The following GALNT14 variants were observed in gnomAD, a reference collection of about 807,000 sequenced individuals.
GALNT14 encodes the protein UDP-GalNAc:polypeptide N-acetylgalactosaminyltransferase 14.
GALNT14 carries 60 observed loss-of-function variants against 77.5 expected under a neutral mutation model. That is an observed-to-expected ratio of 0.77 (90% CI 0.63 to 0.96). The LOEUF (loss-of-function observed/expected upper bound fraction) is 0.96, where lower values mean the gene tolerates loss of function less well. Ranked by LOEUF, GALNT14 falls within the 40% of genes least tolerant of loss-of-function variation. The probability of loss-of-function intolerance (pLI) is 0.00; values close to 1 mark genes in which losing one functional copy is unlikely to be tolerated. For synonymous variants in GALNT14, 280 were observed against 281.7 expected (o/e 0.99, Z 0.06); for missense variants, 710 against 731.0 (o/e 0.97, Z 0.33).
At chr2:31,038,563 G>T (rs1382927617) in intron 1 of GALNT14, among the ~76,000 whole-genome samples, 1 of 151,998 alleles carries the variant, frequency 6.6e-6, no homozygotes, top group African/African-American at 2.4e-5. Flanking sequence ...GTTGGCCGGG[G>T]GAGGGGGAGG....
Position 31,130,267 on chromosome 2 carries a change from T to A in GALNT14, c.129+7691A>T, listed in dbSNP as rs1440573088. 5.3e-5 allele frequency among the ~76,000 whole-genome samples: 8 copies of A among 152,094 alleles called. No homozygotes were observed. In the East Asian group the frequency reaches 1.5e-3, roughly 29 times the overall value. On this transcript the variant is annotated intron_variant, in intron 1 of 14. Coordinates refer to ENST00000349752, the MANE Select transcript of GALNT14 (RefSeq NM_024572.4). Reference sequence around the variant, plus strand: ...GCTCCTGCTGATAGAAAGGCCAGAGTGGCAACCTCCTTCCTTCAGGAAAGA... The same window carrying A: ...GCTCCTGCTGATAGAAAGGCCAGAGAGGCAACCTCCTTCCTTCAGGAAAGA...
intron 1 of GALNT14, among the ~76,000 whole-genome samples, chr2:31,016,241 TTC>T (rs1465895381): frequency 6.6e-6 from 1 of 152,184 alleles, no homozygotes; most frequent in Admixed American, 6.5e-5. Flanking sequence ...ATGTGGTTTT[TTC>T]TCTGTGTGTA....
chr2:31,026,719 A>G (rs774509936), intron 1 of GALNT14, among the ~76,000 whole-genome samples: 2 of 152,212 alleles, frequency 1.3e-5, no homozygotes, highest in Non-Finnish European at 2.9e-5. Context: ...TAGTTTCCCC[A>G]CTGACCTGGG....
intron 2 of GALNT14, among the ~76,000 whole-genome samples, chr2:30,989,711 ATATT>A (rs1208333181): frequency 8.2e-6 from 1 of 122,564 alleles, no homozygotes; most frequent in East Asian, 2.4e-4. Context: ...ATAAATATAT[ATATT>A]AGTATATATA....
intron 1 of GALNT14, among the ~76,000 whole-genome samples, chr2:31,098,094 A>G (rs1272223211): frequency 6.6e-6 from 1 of 152,178 alleles, no homozygotes; most frequent in Non-Finnish European, 1.5e-5. Context: ...TCTCTATTAA[A>G]AAGCTGCAAA....
At chr2:31,052,500 C>T (rs1673940329) in intron 1 of GALNT14, among the ~76,000 whole-genome samples, 1 of 152,212 alleles carries the variant, frequency 6.6e-6, no homozygotes, top group African/African-American at 2.4e-5. Context: ...GCCTGCTCCC[C>T]ACGGAAGCCT....
At chr2:31,078,710 G>C (rs1387612534) in intron 1 of GALNT14, among the ~76,000 whole-genome samples, 8 of 152,160 alleles carry the variant, frequency 5.3e-5, no homozygotes, top group Non-Finnish European at 1.2e-4. Flanking sequence ...GCATGCTCAG[G>C]ACAGGGCAAG....
At chr2:31,044,629 A>C (rs1484608092) in intron 1 of GALNT14, among the ~76,000 whole-genome samples, 1 of 151,362 alleles carries the variant, frequency 6.6e-6, no homozygotes, top group Admixed American at 6.6e-5. Context: ...ATAGGGTAGC[A>C]GCTATACTAC....
chr2:31,082,736 T>C (rs1015034779), intron 1 of GALNT14, among the ~76,000 whole-genome samples: 3 of 152,056 alleles, frequency 2.0e-5, no homozygotes, highest in Non-Finnish European at 4.4e-5. Flanking sequence ...AAAAAAGAAA[T>C]TGGCTGGGCA....
chr2:30,992,505 A>T (rs1669767753), intron 2 of GALNT14, among the ~76,000 whole-genome samples: 1 of 152,138 alleles, frequency 6.6e-6, no homozygotes, highest in Non-Finnish European at 1.5e-5. Context: ...GGAATCTGCC[A>T]GGGAAAAACA....
At chr2:31,078,813 G>A in intron 1 of GALNT14, 2 of 783,714 alleles carry the variant, frequency 2.6e-6, no homozygotes, top group South Asian at 1.6e-5. Flanking sequence ...CACACAAGAT[G>A]AAGGCAAGGG....
Position 30,910,503 on chromosome 2 carries a change from T to G in GALNT14, c.*398A>C. ...CTTCTAAGTTTCTCTTTATTTCTTT[T>G]GGAAACAACCTCCATTCTTCATCTC... On this transcript the variant is annotated 3_prime_UTR_variant, in exon 15 of 15. Transcript: ENST00000349752. 6.2e-6 allele frequency: 1 copy of G among 161,556 alleles called. No homozygotes were observed. The highest frequency in any genetic ancestry group is 1.3e-5 in the Non-Finnish European group (1 of 74,290). 10.0% of individuals were successfully genotyped at this position (161,556 alleles called of 1,614,324 possible). A position where few individuals can be genotyped will look rare whatever the true frequency, so the allele number is the denominator to read the frequency against.
chr2:30,955,211 G>C (rs558555438), intron 6 of GALNT14, among the ~76,000 whole-genome samples: 1 of 152,182 alleles, frequency 6.6e-6, no homozygotes, highest in Admixed American at 6.5e-5. Flanking sequence ...AGAGGCCCCA[G>C]GAATTAGGGG....
At chr2:31,046,561 T>C (rs62140633) in intron 1 of GALNT14, among the ~76,000 whole-genome samples, 63,246 of 151,956 alleles carry the variant, frequency 0.42, 13,392 homozygotes, top group East Asian at 0.54. Flanking sequence ...TACACATATA[T>C]ACATCCAGGC....
chr2:31,026,967 A>G (rs1236200347), intron 1 of GALNT14, among the ~76,000 whole-genome samples: 1 of 152,244 alleles, frequency 6.6e-6, no homozygotes, highest in Non-Finnish European at 1.5e-5. Context: ...CATTTTATGA[A>G]TGAAACTCCT....
intron 1 of GALNT14, among the ~76,000 whole-genome samples, chr2:31,064,027 G>A (rs1033565956): frequency 1.3e-5 from 2 of 152,214 alleles, no homozygotes; most frequent in Non-Finnish European, 2.9e-5. Context: ...GTTGGGCAGA[G>A]AGTTTGCTTT....
chr2:31,045,157 G>A (rs921086249), intron 1 of GALNT14, among the ~76,000 whole-genome samples: 1 of 152,124 alleles, frequency 6.6e-6, no homozygotes, highest in African/African-American at 2.4e-5. Flanking sequence ...GATATGAGCA[G>A]CATCCATGAT....
chr2:31,019,518 A>G (rs983210270), intron 1 of GALNT14, among the ~76,000 whole-genome samples: 3 of 152,148 alleles, frequency 2.0e-5, no homozygotes, highest in African/African-American at 7.2e-5. Context: ...TCAGCTAAGC[A>G]GAAGAACACG....
the GALNT14 span, among the ~76,000 whole-genome samples, chr2:30,901,665 G>A: frequency 1.3e-5 from 2 of 151,732 alleles, no homozygotes; most frequent in African/African-American, 4.8e-5. Flanking sequence ...TCATATATGT[G>A]TATGTATATA....
Sources: gnomAD v4.1 joint callset for allele counts (sites outside exome capture counted in the v4.1 genomes callset) on GRCh38, gnomAD v4.1.1 for gene constraint, MANE v1.5 for transcripts, NCBI Gene and HGNC (gene_info 2026-07-23, HGNC 2026-07-21) for gene names.